Variants in SPAG6 observed in about 807,000 individuals in gnomAD.
SPAG6 encodes the protein sperm-associated antigen 6.
SPAG6 carries 49 observed loss-of-function variants against 58.5 expected under a neutral mutation model. The observed-to-expected ratio is 0.84, with a 90% CI of 0.67 to 1.06. The LOEUF is 1.06. Among genes scored for constraint, SPAG6 ranks in the 50% least tolerant of loss-of-function variants. SPAG6 has a pLI of 0.00. For missense variants in SPAG6, 560 were observed against 611.3 expected, an observed-to-expected ratio of 0.92 and a Z score of 0.89; for synonymous variants, 233 against 225.6, an observed-to-expected ratio of 1.03 and a Z score of -0.29.
chr10:22,404,789 G>A (rs1364326183), intron 9 of SPAG6, among the ~76,000 whole-genome samples: 1 of 151,298 alleles, frequency 6.6e-6, no homozygotes, highest in Non-Finnish European at 1.5e-5. Flanking sequence ...TCTTCCATTT[G>A]TTTGTATCCT....
chr10:22,378,645 C>G lies in SPAG6; in HGVS notation c.473-8109C>G, dbSNP rs577110873. ...TGCGTTACTCGATTCAGCTTGGTCT[C>G]AGCTGTTAAAGGTCTAATGCTAAAT... On this transcript the variant is annotated intron_variant, in intron 4 of 10. Coordinates refer to ENST00000376624, the MANE Select transcript of SPAG6 (RefSeq NM_012443.4). Among the ~76,000 whole-genome samples the G allele has an allele frequency of 3.3e-5, 5 of 152,264 alleles. No individual in the cohort carries two copies. In the South Asian group the frequency reaches 1.0e-3, roughly 32 times the overall value.
intron 10 of SPAG6, chr10:22,412,586 A>G (rs1312377364): frequency 2.4e-6 from 2 of 843,890 alleles, no homozygotes; most frequent in Non-Finnish European, 3.7e-6. Context: ...AACATGTATA[A>G]TTAGTCTACA....
chr10:22,383,750 C>T (rs1026146338), intron 4 of SPAG6, among the ~76,000 whole-genome samples: 2 of 152,130 alleles, frequency 1.3e-5, no homozygotes, highest in African/African-American at 4.8e-5. Flanking sequence ...CTGAACACTC[C>T]ACAGACCTGA....
intron 8 of SPAG6, among the ~76,000 whole-genome samples, chr10:22,399,001 T>TA (rs1834354566): frequency 6.6e-6 from 1 of 152,094 alleles, no homozygotes; most frequent in Admixed American, 6.6e-5. Flanking sequence ...GTATTTTCAA[T>TA]AGACACAGGG....
rs1210284623 is a variant in SPAG6, at chr10:22,411,032, T to C, written c.1316T>C (p.Val439Ala). Residue 439 changes from valine to alanine, a missense_variant and splice_region_variant, in exon 10 of 11, where the codon GTG becomes GCG. Coordinates refer to ENST00000376624, the MANE Select transcript of SPAG6 (RefSeq NM_012443.4). ...ATTTTATGTGCTTCACTTTGCAAGGTGCTGCCGCATGATAGCAAAGCTCGA... is the reference window on the plus strand; with the variant it reads ...ATTTTATGTGCTTCACTTTGCAAGGCGCTGCCGCATGATAGCAAAGCTCGA... Reference protein sequence around the residue: ...LKHVVGQFSKVLPHDSKARRL... With the variant: ...LKHVVGQFSKALPHDSKARRL... The C allele has an allele frequency of 9.3e-6, 15 of 1,613,418 alleles. No homozygotes were observed. Among genetic ancestry groups the C allele is most frequent in the Non-Finnish European group, 1.3e-5 (15 of 1,179,794 alleles).
chr10:22,375,507 T>G (rs1314271557), intron 4 of SPAG6, among the ~76,000 whole-genome samples: 1 of 152,178 alleles, frequency 6.6e-6, no homozygotes, highest in Non-Finnish European at 1.5e-5. Context: ...GAGCTTGGTT[T>G]GCTCTTATCA....
chr10:22,368,858 A>C (rs114444129), intron 4 of SPAG6, among the ~76,000 whole-genome samples, 180 bp downstream of exon 4: 9,540 of 151,150 alleles, frequency 0.063, 990 homozygotes, highest in African/African-American at 0.22. Flanking sequence ...ACAAAAAAAA[A>C]CCCTATATAT....
At chr10:22,374,526 G>T (rs1487891257) in intron 4 of SPAG6, among the ~76,000 whole-genome samples, 1 of 151,398 alleles carries the variant, frequency 6.6e-6, no homozygotes, top group Admixed American at 6.6e-5. Flanking sequence ...CTAGTACTTT[G>T]GGAGGCTGAG....
At chr10:22,365,542 C>T (rs1359303116) in intron 3 of SPAG6, among the ~76,000 whole-genome samples, 1 of 152,052 alleles carries the variant, frequency 6.6e-6, no homozygotes, top group Non-Finnish European at 1.5e-5. Context: ...CTGTTTTTTT[C>T]CCCCTCCTAT....
At chr10:22,374,784 A>G (rs1833780027) in intron 4 of SPAG6, among the ~76,000 whole-genome samples, 1 of 152,110 alleles carries the variant, frequency 6.6e-6, no homozygotes, top group Non-Finnish European at 1.5e-5. Flanking sequence ...TCAAAAAAAA[A>G]AAAGATGAAT....
intron 8 of SPAG6, among the ~76,000 whole-genome samples, chr10:22,400,680 C>A (rs760005501): frequency 6.6e-6 from 1 of 151,992 alleles, no homozygotes; most frequent in African/African-American, 2.4e-5. Context: ...TTGAATAATG[C>A]ACACTGTAGC....
rs1238665719 is a variant in SPAG6 at position 22,345,733 on chromosome 10, A to G, written c.36A>G (p.Gln12=). ...CTCTCTCTCCCGCAGTGTTCGAGCAATACCAGAAGGCCAGGACCCAGTTCG... is the reference window on the plus strand; with the variant it reads ...CTCTCTCTCCCGCAGTGTTCGAGCAGTACCAGAAGGCCAGGACCCAGTTCG... ...SQRQVLQVFE[Q]YQKARTQFVQ... is the part of the protein sequence containing the mutation. Residue 12 remains glutamine (Q), a synonymous_variant, in exon 2 of 11, where the codon CAA becomes CAG. Transcript: ENST00000376624. The surrounding 1 kb of genome is among the most constrained non-coding windows in gnomAD (Gnocchi z 6.3). 1 of 1,612,748 alleles carries G rather than the reference A, an allele frequency of 6.2e-7. No individual in the cohort carries two copies.
chr10:22,373,753 G>A (rs1402043763), intron 4 of SPAG6, among the ~76,000 whole-genome samples: 2 of 151,948 alleles, frequency 1.3e-5, no homozygotes, highest in East Asian at 1.9e-4. Flanking sequence ...TATTGTAGGG[G>A]GTTGAGGAAC....
intron 4 of SPAG6, among the ~76,000 whole-genome samples, chr10:22,380,465 T>C (rs1447028882): frequency 6.6e-6 from 1 of 151,856 alleles, no homozygotes; most frequent in Non-Finnish European, 1.5e-5. Flanking sequence ...GCCTGGCTAA[T>C]TTTTGTGTTT....
At chr10:22,382,912 C>T (rs1833986698) in intron 4 of SPAG6, among the ~76,000 whole-genome samples, 1 of 152,116 alleles carries the variant, frequency 6.6e-6, no homozygotes, top group Non-Finnish European at 1.5e-5. Flanking sequence ...GTACCATCAA[C>T]CCAGTATAAA....
intron 2 of SPAG6, among the ~76,000 whole-genome samples, chr10:22,363,104 A>G (rs1027337816): frequency 2.6e-5 from 4 of 152,198 alleles, no homozygotes; most frequent in Non-Finnish European, 4.4e-5. Context: ...TTCACGCAAC[A>G]TTTTGGATGT....
At chr10:22,410,975 GTAA>G in intron 9 of SPAG6, 53 bp from the exon 10 acceptor site, 3 of 1,553,710 alleles carry the variant, frequency 1.9e-6, no homozygotes, top group Non-Finnish European at 2.6e-6. Context: ...CTTTTCAATA[GTAA>G]TAATCTAACT....
intron 4 of SPAG6, among the ~76,000 whole-genome samples, chr10:22,372,133 CTTTT>C (rs1298662536): frequency 1.3e-5 from 2 of 152,020 alleles, no homozygotes; most frequent in African/African-American, 2.4e-5. Flanking sequence ...CAGAATTCTT[CTTTT>C]GTTTCCTCAT....
intron 8 of SPAG6, among the ~76,000 whole-genome samples, chr10:22,396,507 CA>C: frequency 6.6e-6 from 1 of 152,142 alleles, no homozygotes; most frequent in Non-Finnish European, 1.5e-5. Flanking sequence ...TGCATGAAAA[CA>C]GACCAATACA....
Sources: allele counts gnomAD v4.1 joint callset (sites outside exome capture counted in the v4.1 genomes callset), GRCh38; gene constraint gnomAD v4.1.1; non-coding constraint Gnocchi (gnomAD v3.1); transcripts MANE v1.5; gene names NCBI Gene and HGNC (gene_info 2026-07-23, HGNC 2026-07-21).